The following KLK7 variants were observed in gnomAD, a reference collection of about 807,000 sequenced individuals.
KLK7 encodes the protein kallikrein-7.
A neutral mutation model predicts 21.0 loss-of-function variants in KLK7; 17 were observed. That is an observed-to-expected ratio of 0.81 (90% CI 0.55 to 1.21). The LOEUF is 1.21. Among genes scored for constraint, KLK7 ranks in the 50% most tolerant of loss-of-function variants. The probability of loss-of-function intolerance (pLI) is 0.00; values close to 1 mark genes in which losing one functional copy is unlikely to be tolerated. For missense variants in KLK7, 330 were observed against 322.8 expected (o/e 1.02, Z -0.17); for synonymous variants, 151 against 134.6 (o/e 1.12, Z -0.85).
At chr19:50,980,557 A>T (rs1050631912) in intron 3 of KLK7, 70 bp from the exon 4 acceptor site, 21 of 1,585,030 alleles carry the variant, frequency 1.3e-5, no homozygotes, top group Non-Finnish European at 1.7e-5. Flanking sequence ...GACCTGGGGG[A>T]CGGGGTGGGG....
At position 50,977,592 on chromosome 19, in the gene KLK7, T is replaced by C; in HGVS notation, c.706A>G (p.Thr236Ala). Residue 236 changes from threonine (T) to alanine (A), a missense_variant, in exon 6 of 6, where the codon ACT (threonine) becomes GCT (alanine). Thr to Ala is a moderately conservative substitution (Grantham distance 58). Transcript: ENST00000595820. The stretch of plus-strand genomic sequence containing the variant: ...CACTTGGTGAACTTGCACACTTGAG[T>C]GTAGACTCCTGGGTCATTGGGTTGG... ...CGQPNDPGVYTQVCKFTKWIN... is the reference protein window; with the variant it reads ...CGQPNDPGVYAQVCKFTKWIN... The C allele has an allele frequency of 1.9e-6, 3 of 1,613,992 alleles. No individual in the cohort carries two copies. Among genetic ancestry groups the C allele is most frequent in the Non-Finnish European group, 2.5e-6 (3 of 1,179,994 alleles).
chr19:50,983,734 C>T, intron 1 of KLK7, 117 bp downstream of exon 1: 1 of 1,215,866 alleles, frequency 8.2e-7, no homozygotes, highest in Non-Finnish European at 1.1e-6. Context: ...TCCAGGCCCT[C>T]ACTGCTCAGG....
At chr19:50,982,096 C>T (rs768092427) in intron 2 of KLK7, 182 bp from the exon 3 acceptor site, 85 of 820,906 alleles carry the variant, frequency 1.0e-4, no homozygotes, top group Non-Finnish European at 1.4e-4. Flanking sequence ...ACCCAGGAGG[C>T]GCATCTCATC....
chr19:50,978,295 C>A (rs936164436), intron 5 of KLK7, among the ~76,000 whole-genome samples: 2 of 152,130 alleles, frequency 1.3e-5, no homozygotes, highest in Non-Finnish European at 2.9e-5. Flanking sequence ...ACAGTCATCT[C>A]TCTCCCATCT....
chr19:50,983,924 C>T (rs1274329186), upstream of KLK7: 1 of 1,288,912 alleles, frequency 7.8e-7, no homozygotes, highest in East Asian at 5.6e-5. Flanking sequence ...CTTCATCCCT[C>T]TGCTGGGCCG....
In KLK7 at chr19:50,979,872, C is replaced by T. The variant is rs557528987; in HGVS notation, c.522G>A (p.Gln174=). Residue 174 remains glutamine (Q), a synonymous_variant, in exon 5 of 6, where the codon CAG becomes CAA. Transcript: ENST00000595820. The part of the protein sequence containing the change: ...MCVDVKLISP[Q]DCTKVYKDLL... ...AGTCCTTGTAAACCTTCGTGCAGTC[C>T]TGGGGGGAGATGAGCTTGACATCCA... 1.3e-6 allele frequency: 2 copies of T among 1,590,680 alleles called. No homozygotes were observed. The highest frequency in any genetic ancestry group is 2.3e-5 in the South Asian group (2 of 87,058).
At chr19:50,984,008 C>T (rs2091111805), upstream of KLK7, 2 of 1,028,654 alleles carry the variant, frequency 1.9e-6, no homozygotes, top group African/African-American at 1.7e-5. Context: ...CTCTGGGACA[C>T]CCCCGCCTGC....
At position 50,976,606 on chromosome 19, in the gene KLK7, TC is replaced by T. The variant is rs1376522340; in HGVS notation, c.*929del. 1 of 152,240 alleles carries T rather than the reference TC, an allele frequency of 6.6e-6. No individual in the cohort carries two copies. Among genetic ancestry groups the T allele is most frequent in the Admixed American group, 6.5e-5 (1 of 15,294 alleles). The allele number at this position is 152,240 out of a possible 1,614,324, so 9.4% of individuals were successfully genotyped here. On this transcript the variant is annotated 3_prime_UTR_variant, in exon 6 of 6. Coordinates refer to ENST00000595820, the MANE Select transcript of KLK7 (RefSeq NM_005046.4). ...TGGGACATGTGTTTTCAGATCTGAT[TC>T]TGTGAATATTTCATTTTTTATGGGT...
Position 50,981,758 on chromosome 19 carries a change from G to A in KLK7, c.221+9C>T, listed in dbSNP as rs373449932. The stretch of plus-strand genomic sequence containing the variant: ...GTGCACCTCCAGCAGAGACTTGGGC[G>A]GCACCTACTTCATCTTGCAGTGGGC... On this transcript the variant is annotated intron_variant, in intron 3 of 5. Transcript: ENST00000595820. 164 of 1,561,166 alleles carry A rather than the reference G, an allele frequency of 1.1e-4. 1 individual carries two copies. Among genetic ancestry groups the A allele is most frequent in the Non-Finnish European group, 1.4e-4 (160 of 1,152,656 alleles).
At position 50,980,258 on chromosome 19, in the gene KLK7, T is replaced by C. The variant is rs986194367; in HGVS notation, c.451A>G (p.Thr151Ala). The C allele has an allele frequency of 2.5e-6, 4 of 1,613,698 alleles. No homozygotes were observed. The highest frequency in any genetic ancestry group is 2.7e-5 in the African/African-American group (2 of 74,840). The change falls in exon 4 of 6, where the codon ACT (threonine) becomes GCT (alanine). Residue 151 changes from threonine (T) to alanine (A), a missense_variant. Thr to Ala is a moderately conservative substitution (Grantham distance 58). Coordinates refer to ENST00000595820, the MANE Select transcript of KLK7 (RefSeq NM_005046.4). The stretch of plus-strand genomic sequence containing the variant: ...CACCTACCATCTGGGCTCGTGGTAG[T>C]GCCCCAGCCGGAGACAGTACAGGTG... ...GTTCTVSGWG[T>A]TTSPDVTFPS... is the part of the protein sequence containing the mutation.
At position 50,981,882 on chromosome 19, in the gene KLK7, A is replaced by G; in HGVS notation, c.106T>C (p.Cys36Arg). 1 of 1,612,678 alleles carries G rather than the reference A, an allele frequency of 6.2e-7. No homozygotes were observed. Residue 36 changes from cysteine to arginine, a missense_variant, in exon 3 of 6, where the codon TGT becomes CGT. By Grantham distance (180) the Cys-to-Arg change is radical. Coordinates refer to ENST00000595820, the MANE Select transcript of KLK7 (RefSeq NM_005046.4). ...QGDKIIDGAP[C>R]ARGSHPWQVA... Reference sequence around the variant, plus strand: ...TGCCATGGGTGGGAGCCTCTTGCACATGGGGCGCCATCAATAATCTTGTCA... The same window carrying G: ...TGCCATGGGTGGGAGCCTCTTGCACGTGGGGCGCCATCAATAATCTTGTCA...
At position 50,980,340 on chromosome 19, in the gene KLK7, C is replaced by T. The variant is rs1233823556; in HGVS notation, c.369G>A (p.Arg123=). ...LMLVKLNSQA[R]LSSMVKKVRL... ...TGACTTTCTTCACCATGGATGACAG[C>T]CTGGCCTGGCTATTGAGCTTCACGA... The change falls in exon 4 of 6, where the codon AGG becomes AGA. Residue 123 remains arginine, a synonymous_variant. Transcript: ENST00000595820. 1 of 1,614,014 alleles carries T rather than the reference C, an allele frequency of 6.2e-7. No homozygotes were observed.
In KLK7 at chr19:50,977,503, T is replaced by C; in HGVS notation, c.*33A>G. On this transcript the variant is annotated 3_prime_UTR_variant, in exon 6 of 6. Transcript: ENST00000595820. Reference sequence around the variant, plus strand: ...GTCCTCACTCCTGTGCATTTTCTGTTGGAAGCACACAGTTAATTAACTCAG... The same window carrying C: ...GTCCTCACTCCTGTGCATTTTCTGTCGGAAGCACACAGTTAATTAACTCAG... 1 of 1,605,358 alleles carries C rather than the reference T, an allele frequency of 6.2e-7. No individual in the cohort carries two copies. Among genetic ancestry groups the C allele is most frequent in the Non-Finnish European group, 8.5e-7 (1 of 1,172,470 alleles).
intron 2 of KLK7, 56 bp from the exon 3 acceptor site, chr19:50,981,970 C>T (rs2091092986): frequency 3.2e-6 from 5 of 1,560,874 alleles, no homozygotes; most frequent in Middle Eastern, 3.4e-4. Flanking sequence ...AAGGCTGAGG[C>T]TGCACCTCAG....
intron 5 of KLK7, among the ~76,000 whole-genome samples, chr19:50,978,636 G>GAGAGAGAT (rs2091053766): frequency 8.1e-6 from 1 of 123,148 alleles, no homozygotes; most frequent in East Asian, 3.1e-4. Context: ...AAGGTGTGGG[G>GAGAGAGAT]AGAGAGATGG....
chr19:50,977,261 C>T lies in KLK7; in HGVS notation c.*275G>A. The T allele has an allele frequency of 8.3e-6, 3 of 362,080 alleles. No individual in the cohort carries two copies. Among genetic ancestry groups the T allele is most frequent in the East Asian group, 4.6e-5 (1 of 21,686 alleles). The allele number at this position is 362,080 out of a possible 1,614,324, so 22.4% of individuals were successfully genotyped here. On this transcript the variant is annotated 3_prime_UTR_variant, in exon 6 of 6. Coordinates refer to ENST00000595820, the MANE Select transcript of KLK7 (RefSeq NM_005046.4). ...AATAAGGGTCTCGGTGTACGTTGAC[C>T]AAGTGTCTTCCGTAAAGACTGTACG...
chr19:50,982,427 G>A lies in KLK7; in HGVS notation c.-28C>T. 1.9e-6 allele frequency: 3 copies of A among 1,589,976 alleles called. No individual in the cohort carries two copies. The highest frequency in any genetic ancestry group is 1.1e-5 in the South Asian group (1 of 87,574). On this transcript the variant is annotated 5_prime_UTR_variant, in exon 2 of 6. Transcript: ENST00000595820. The stretch of plus-strand genomic sequence containing the variant: ...TGCCCTGCTGAGCCGCTCAGGGGCT[G>A]CCAGGCGAGGAAGGGCCTCTCCTGC...
intron 5 of KLK7, among the ~76,000 whole-genome samples, chr19:50,978,938 G>A (rs572115599): frequency 2.1e-4 from 32 of 151,364 alleles, no homozygotes; most frequent in African/African-American, 7.8e-4. Context: ...AGAGAGAGAA[G>A]CAAGAGAAAG....
intron 3 of KLK7, among the ~76,000 whole-genome samples, chr19:50,980,703 G>A (rs899207243): frequency 8.1e-6 from 1 of 122,918 alleles, no homozygotes; most frequent in African/African-American, 3.1e-5. Context: ...GACCCAGAGA[G>A]GGGGGGACAG....
Sources: gnomAD v4.1 joint callset for allele counts (sites outside exome capture counted in the v4.1 genomes callset) on GRCh38, gnomAD v4.1.1 for gene constraint, MANE v1.5 for transcripts, NCBI Gene and HGNC (gene_info 2026-07-23, HGNC 2026-07-21) for gene names.